Variants in OXR1 observed in about 807,000 individuals in gnomAD.
OXR1 encodes oxidation resistance 1, also known as oxidation resistance protein 1.
OXR1 carries 41 observed loss-of-function variants against 104.6 expected under a neutral mutation model. That is an observed-to-expected ratio of 0.39 (90% CI 0.31 to 0.51). The LOEUF (loss-of-function observed/expected upper bound fraction) is 0.51, where lower values mean the gene tolerates loss of function less well. OXR1 is among the 20% of genes least tolerant of loss of function. The pLI, the probability that OXR1 is intolerant of heterozygous loss-of-function variation, is 0.77. For synonymous variants in OXR1, 348 were observed against 348.4 expected (o/e 1.00, Z 0.01); for missense variants, 955 against 1,031.9 (o/e 0.93, Z 1.02).
At chr8:106,631,859 G>T (rs376445439) in intron 3 of OXR1, among the ~76,000 whole-genome samples, 3 of 152,126 alleles carry the variant, frequency 2.0e-5, no homozygotes, top group East Asian at 1.9e-4. Context: ...AATCCCTTCA[G>T]TAAAGTTCTG....
intron 1 of OXR1, among the ~76,000 whole-genome samples, chr8:106,295,699 T>G (rs1018682803): frequency 5.3e-5 from 8 of 152,154 alleles, no homozygotes; most frequent in African/African-American, 1.9e-4. Flanking sequence ...AATCACAATT[T>G]GTGAAGCTAC....
intron 7 of OXR1, among the ~76,000 whole-genome samples, chr8:106,696,935 C>A (rs1193560128): frequency 6.6e-6 from 1 of 152,182 alleles, no homozygotes; most frequent in African/African-American, 2.4e-5. Context: ...GCAGCTGTGG[C>A]TGGGGCAGCA....
intron 3 of OXR1, among the ~76,000 whole-genome samples, chr8:106,661,170 T>G (rs1029172195): frequency 2.6e-5 from 4 of 152,092 alleles, no homozygotes; most frequent in Non-Finnish European, 5.9e-5. Context: ...AGAGTAAGAT[T>G]CCATCTCAAA....
chr8:106,634,635 C>G (rs1586937007), intron 3 of OXR1, among the ~76,000 whole-genome samples: 1 of 152,062 alleles, frequency 6.6e-6, no homozygotes, highest in Non-Finnish European at 1.5e-5. Flanking sequence ...AAGTAGTTAA[C>G]TGAATCACAT....
intron 3 of OXR1, among the ~76,000 whole-genome samples, chr8:106,564,130 C>T (rs889311478): frequency 4.6e-5 from 7 of 151,174 alleles, no homozygotes; most frequent in Non-Finnish European, 8.9e-5. Context: ...TAAGAAATAA[C>T]TAAGAGCAGA....
At chr8:106,736,590 A>T (rs1172469128) in intron 11 of OXR1, among the ~76,000 whole-genome samples, 3 of 152,196 alleles carry the variant, frequency 2.0e-5, no homozygotes, top group Non-Finnish European at 2.9e-5. Flanking sequence ...GTAGTATGGT[A>T]ACTGTTTTTA....
intron 3 of OXR1, among the ~76,000 whole-genome samples, chr8:106,567,800 C>T (rs1420350240): frequency 6.6e-6 from 1 of 152,084 alleles, no homozygotes; most frequent in Non-Finnish European, 1.5e-5. Flanking sequence ...TTTGTTAATA[C>T]AGAATATCTT....
At chr8:106,493,229 C>T (rs777196109) in intron 2 of OXR1, among the ~76,000 whole-genome samples, 36 of 152,158 alleles carry the variant, frequency 2.4e-4, no homozygotes, top group Non-Finnish European at 5.0e-4. Flanking sequence ...CCTGCAGAAC[C>T]ATATTGCTTG....
intron 2 of OXR1, among the ~76,000 whole-genome samples, chr8:106,497,841 CAG>C (rs1811519718): frequency 2.6e-5 from 4 of 151,902 alleles, no homozygotes; most frequent in Admixed American, 2.0e-4. Context: ...CATTGCATGT[CAG>C]AGAGTGAGGC....
intron 3 of OXR1, among the ~76,000 whole-genome samples, chr8:106,659,938 T>C (rs960225711): frequency 6.6e-6 from 1 of 152,254 alleles, no homozygotes; most frequent in East Asian, 1.9e-4. Flanking sequence ...CATTGCATAT[T>C]CTTTAATAGT....
At chr8:106,714,418 T>A (rs1330918136) in intron 11 of OXR1, among the ~76,000 whole-genome samples, 1 of 152,080 alleles carries the variant, frequency 6.6e-6, no homozygotes. Flanking sequence ...TTGCATAGCA[T>A]CTATACAAAT....
chr8:106,551,260 C>G (rs1373783213), intron 3 of OXR1, among the ~76,000 whole-genome samples: 2 of 152,124 alleles, frequency 1.3e-5, no homozygotes, highest in Non-Finnish European at 1.5e-5. Flanking sequence ...AACCAACAAC[C>G]AGCCATATAG....
chr8:106,286,528 G>A (rs3019304), intron 1 of OXR1, among the ~76,000 whole-genome samples: 45,260 of 151,590 alleles, frequency 0.3, 6,985 homozygotes, highest in East Asian at 0.56. Context: ...GAGTTTGTAA[G>A]TGAGACCAAA....
intron 3 of OXR1, among the ~76,000 whole-genome samples, chr8:106,642,878 G>T (rs2130952398): frequency 6.6e-6 from 1 of 152,274 alleles, no homozygotes; most frequent in Non-Finnish European, 1.5e-5. Flanking sequence ...CTTATCTTCT[G>T]CGTATTAGAA....
At chr8:106,728,148 T>C (rs1833523250) in intron 11 of OXR1, among the ~76,000 whole-genome samples, 1 of 151,324 alleles carries the variant, frequency 6.6e-6, no homozygotes, top group African/African-American at 2.4e-5. Context: ...AGCAGTTCTT[T>C]TACCTGCTTT....
chr8:106,590,204 T>G (rs1171855372), intron 3 of OXR1, among the ~76,000 whole-genome samples: 2 of 152,254 alleles, frequency 1.3e-5, no homozygotes, highest in African/African-American at 2.4e-5. Context: ...AAGTCCTTTT[T>G]GAAATCAGTT....
At chr8:106,727,449 C>T (rs1327101031) in intron 11 of OXR1, among the ~76,000 whole-genome samples, 2 of 152,070 alleles carry the variant, frequency 1.3e-5, no homozygotes, top group African/African-American at 4.8e-5. Flanking sequence ...GACAGGGTCT[C>T]ACTTTGTCAC....
intron 3 of OXR1, among the ~76,000 whole-genome samples, chr8:106,556,400 A>T (rs1186104823): frequency 6.6e-6 from 1 of 152,178 alleles, no homozygotes; most frequent in African/African-American, 2.4e-5. Context: ...CATCAAGGAA[A>T]GCATCTCCAA....
intron 2 of OXR1, among the ~76,000 whole-genome samples, chr8:106,490,729 A>G (rs1811027981): frequency 2.0e-5 from 3 of 152,104 alleles, no homozygotes; most frequent in Admixed American, 2.0e-4. Flanking sequence ...GAAGGACTGA[A>G]GATGGAAATG....
Sources: allele counts gnomAD v4.1 joint callset (sites outside exome capture counted in the v4.1 genomes callset), GRCh38; gene constraint gnomAD v4.1.1; transcripts MANE v1.5; gene names NCBI Gene and HGNC (gene_info 2026-07-23, HGNC 2026-07-21).